Variants in ZDHHC20 observed in about 807,000 individuals in gnomAD.
ZDHHC20 encodes the protein zDHHC palmitoyltransferase 20, also known as palmitoyltransferase ZDHHC20.
A neutral mutation model predicts 57.8 loss-of-function variants in ZDHHC20; 43 were observed. That is an observed-to-expected ratio of 0.74 (90% confidence interval 0.58 to 0.96). The LOEUF (loss-of-function observed/expected upper bound fraction) is 0.96. ZDHHC20 is among the 40% of genes least tolerant of loss of function. The pLI is 0.00. For synonymous variants in ZDHHC20, 157 were observed against 153.0 expected, an observed-to-expected ratio of 1.03 and a Z score of -0.19; for missense variants, 391 against 441.1, an observed-to-expected ratio of 0.89 and a Z score of 1.02.
At chr13:21,404,407 T>C in intron 4 of ZDHHC20, 1 of 459,208 alleles carries the variant, frequency 2.2e-6, no homozygotes, top group Non-Finnish European at 4.4e-6. Context: ...GAAATTTTGG[T>C]TTTTGACAAC....
chr13:21,402,681 G>C (rs1446541613), intron 5 of ZDHHC20, 116 bp downstream of exon 5: 1 of 800,014 alleles, frequency 1.2e-6, no homozygotes, highest in African/African-American at 1.7e-5. Context: ...CAAATAATGG[G>C]AGAGGATGAA....
intron 2 of ZDHHC20, among the ~76,000 whole-genome samples, chr13:21,425,232 T>C (rs1233344048): frequency 6.6e-6 from 1 of 152,190 alleles, no homozygotes; most frequent in Non-Finnish European, 1.5e-5. Flanking sequence ...TATCTGTGCA[T>C]TGTAAATTGC....
intron 4 of ZDHHC20, among the ~76,000 whole-genome samples, chr13:21,408,746 G>T (rs1005946299): frequency 6.6e-6 from 1 of 152,170 alleles, no homozygotes; most frequent in African/African-American, 2.4e-5. Context: ...TTGGCTGTGG[G>T]TTTGTCATAA....
chr13:21,441,577 G>GTTTTTTTTTTTTT (rs1883177357), intron 1 of ZDHHC20, among the ~76,000 whole-genome samples: 1 of 59,288 alleles, frequency 1.7e-5, no homozygotes, highest in Non-Finnish European at 3.5e-5. Flanking sequence ...TTTTTTTTTT[G>GTTTTTTTTTTTTT]TATTTTTAGT....
chr13:21,433,388 C>T (rs938550277), intron 1 of ZDHHC20, among the ~76,000 whole-genome samples: 6 of 152,060 alleles, frequency 3.9e-5, no homozygotes, highest in Admixed American at 1.3e-4. Flanking sequence ...GAGGCTGAGG[C>T]GGGCGGATCA....
In ZDHHC20 at chr13:21,374,849, CG is replaced by C; in HGVS notation, c.*1846del. 1 of 282,676 alleles carries C rather than the reference CG, an allele frequency of 3.5e-6. No individual in the cohort carries two copies. Among genetic ancestry groups the C allele is most frequent in the East Asian group, 1.1e-4 (1 of 9,292 alleles). 17.5% of individuals were successfully genotyped at this position (282,676 alleles called of 1,614,324 possible). On this transcript the variant is annotated 3_prime_UTR_variant, in exon 13 of 13. Transcript: ENST00000400590. ...ACAGAAGGTACTCCAAAAAATTTAC[CG>C]GGGCGGGGCGTGGTGGCTCACGCCT...
At chr13:21,378,784 A>G (rs1213123525) in intron 11 of ZDHHC20, 46 bp from the exon 12 acceptor site, 22 of 1,116,056 alleles carry the variant, frequency 2.0e-5, no homozygotes, top group African/African-American at 3.2e-5. Context: ...AAAAAAAAAA[A>G]AGAAGTATTA....
chr13:21,428,478 T>A (rs373688700), intron 1 of ZDHHC20, among the ~76,000 whole-genome samples: 1 of 151,586 alleles, frequency 6.6e-6, no homozygotes, highest in African/African-American at 2.4e-5. Flanking sequence ...CTTGGACTCC[T>A]GAAGTGCTGG....
intron 8 of ZDHHC20, among the ~76,000 whole-genome samples, chr13:21,389,400 C>T (rs999728654): frequency 2.0e-5 from 3 of 152,114 alleles, no homozygotes; most frequent in African/African-American, 7.2e-5. Context: ...ACTTGCAACC[C>T]GCATTTCCTT....
At chr13:21,451,926 G>T (rs150154393) in intron 1 of ZDHHC20, among the ~76,000 whole-genome samples, 1 of 149,974 alleles carries the variant, frequency 6.7e-6, no homozygotes, top group South Asian at 2.1e-4. Flanking sequence ...CTCAGGAGGC[G>T]GAGGTTGCAA....
At chr13:21,437,770 C>T (rs1203344675) in intron 1 of ZDHHC20, among the ~76,000 whole-genome samples, 2 of 152,004 alleles carry the variant, frequency 1.3e-5, no homozygotes, top group Non-Finnish European at 2.9e-5. Context: ...CAGCTCACTG[C>T]CACCTCCACC....
chr13:21,406,439 G>A (rs1040775614), intron 4 of ZDHHC20, among the ~76,000 whole-genome samples: 7 of 151,822 alleles, frequency 4.6e-5, no homozygotes, highest in African/African-American at 1.7e-4. Flanking sequence ...GAACATACAG[G>A]TTTGTTACAT....
At chr13:21,442,497 G>A (rs565810295) in intron 1 of ZDHHC20, among the ~76,000 whole-genome samples, 8 of 152,280 alleles carry the variant, frequency 5.3e-5, no homozygotes, top group African/African-American at 1.2e-4. Context: ...ACTCATGCCC[G>A]TAATCCCAGC....
chr13:21,455,829 C>G (rs1245826406), intron 1 of ZDHHC20, among the ~76,000 whole-genome samples: 1 of 152,084 alleles, frequency 6.6e-6, no homozygotes, highest in Non-Finnish European at 1.5e-5. Flanking sequence ...GAGAAAAGTA[C>G]TTTATATAAA....
intron 4 of ZDHHC20, among the ~76,000 whole-genome samples, chr13:21,406,757 G>A (rs1177793787): frequency 6.6e-6 from 1 of 152,074 alleles, no homozygotes; most frequent in Non-Finnish European, 1.5e-5. Flanking sequence ...GTGTATATAT[G>A]CCACATTTTC....
chr13:21,450,733 A>G (rs1013831474), intron 1 of ZDHHC20, among the ~76,000 whole-genome samples: 6 of 152,034 alleles, frequency 3.9e-5, no homozygotes, highest in African/African-American at 1.5e-4. Context: ...ATAGATGCGA[A>G]ATGATAAAAT....
intron 7 of ZDHHC20, among the ~76,000 whole-genome samples, chr13:21,394,035 G>A (rs959398132): frequency 6.6e-6 from 1 of 152,162 alleles, no homozygotes; most frequent in Non-Finnish European, 1.5e-5. Flanking sequence ...CTGTGTATTG[G>A]CACTTGCCCT....
In ZDHHC20 at chr13:21,375,060, G is replaced by A. The variant is rs1390666326; in HGVS notation, c.*1636C>T. 1.3e-5 allele frequency: 6 copies of A among 451,750 alleles called. No individual in the cohort carries two copies. Among genetic ancestry groups the A allele is most frequent in the Non-Finnish European group, 2.7e-5 (6 of 225,430 alleles). 28.0% of individuals were successfully genotyped at this position (451,750 alleles called of 1,614,324 possible). A position where few individuals can be genotyped will look rare whatever the true frequency, so the allele number is the denominator to read the frequency against. On this transcript the variant is annotated 3_prime_UTR_variant, in exon 13 of 13. Transcript: ENST00000400590. ...GAGGCAGGAGACTCTATTGAACCTG[G>A]AAGGCAGAGGTTGCAGCGAGCCAAG...
At chr13:21,378,921 C>G (rs1872738317) in intron 11 of ZDHHC20, among the ~76,000 whole-genome samples, 183 bp from the exon 12 acceptor site, 1 of 152,136 alleles carries the variant, frequency 6.6e-6, no homozygotes, top group Non-Finnish European at 1.5e-5. Context: ...CATTAGCAGT[C>G]AAAAGTTTGA....
Sources: gnomAD v4.1 joint callset for allele counts (sites outside exome capture counted in the v4.1 genomes callset) on GRCh38, gnomAD v4.1.1 for gene constraint, MANE v1.5 for transcripts, NCBI Gene and HGNC (gene_info 2026-07-23, HGNC 2026-07-21) for gene names.